Variants in TNKS observed in about 807,000 individuals in gnomAD.
The protein encoded by TNKS is poly [ADP-ribose] polymerase tankyrase-1.
In TNKS, 72 loss-of-function variants were observed where a neutral mutation model predicts 135.8. That is an observed-to-expected ratio of 0.53 (90% CI 0.44 to 0.64). The LOEUF (loss-of-function observed/expected upper bound fraction) is 0.64. Ranked by LOEUF, TNKS falls within the 30% of genes least tolerant of loss-of-function variation. The pLI, the probability that TNKS is intolerant of heterozygous loss-of-function variation, is 0.00. For missense variants in TNKS, 1,769 were observed against 1,674.0 expected, an observed-to-expected ratio of 1.06 and a Z score of -0.99; for synonymous variants, 849 against 649.3, an observed-to-expected ratio of 1.31 and a Z score of -4.68.
intron 5 of TNKS, among the ~76,000 whole-genome samples, chr8:9,682,017 T>C (rs1346473918): frequency 1.3e-5 from 2 of 152,158 alleles, no homozygotes; most frequent in African/African-American, 4.8e-5. Context: ...TACTCAGCAC[T>C]ATTAGTTACT....
chr8:9,646,192 C>T (rs946216278), intron 3 of TNKS, among the ~76,000 whole-genome samples: 1 of 152,036 alleles, frequency 6.6e-6, no homozygotes, highest in African/African-American at 2.4e-5. Context: ...TTCTCTTGCT[C>T]TTGAGATTTC....
Position 9,777,836 on chromosome 8 carries a change from G to A in TNKS, c.*1100G>A, listed in dbSNP as rs114345287. ...AAAATACCACTTGATTGTTTCTTTA[G>A]TTGAGAATGCTGGGATTCAGACTCG... On this transcript the variant is annotated 3_prime_UTR_variant, in exon 27 of 27. Coordinates refer to ENST00000310430, the MANE Select transcript of TNKS (RefSeq NM_003747.3). 168 of 152,468 alleles carry A rather than the reference G, an allele frequency of 1.1e-3. No individual in the cohort carries two copies. Among genetic ancestry groups the A allele is most frequent in the African/African-American group, 3.9e-3 (163 of 41,550 alleles). The allele number at this position is 152,468 out of a possible 1,614,324, so 9.4% of individuals were successfully genotyped here.
intron 1 of TNKS, among the ~76,000 whole-genome samples, chr8:9,560,581 C>T (rs373121078): frequency 7.8e-6 from 1 of 127,528 alleles, no homozygotes; most frequent in Non-Finnish European, 1.6e-5. Context: ...ACCATATACT[C>T]TAGATTGTTG....
intron 3 of TNKS, among the ~76,000 whole-genome samples, chr8:9,664,729 G>A (rs186973108): frequency 7.6e-4 from 116 of 152,202 alleles, no homozygotes; most frequent in African/African-American, 2.6e-3. Flanking sequence ...AATAAAAAAC[G>A]CATGCATGTG....
At chr8:9,645,999 T>C (rs1271157968) in intron 3 of TNKS, among the ~76,000 whole-genome samples, 1 of 152,156 alleles carries the variant, frequency 6.6e-6, no homozygotes, top group Non-Finnish European at 1.5e-5. Flanking sequence ...CCTTCTCAGT[T>C]CTTCAATTTC....
chr8:9,764,014 C>T lies in TNKS; in HGVS notation c.3373-702C>T, dbSNP rs1057269076. Among the ~76,000 whole-genome samples, 8 of 152,114 alleles carry T rather than the reference C, an allele frequency of 5.3e-5. No individual in the cohort carries two copies. In the East Asian group the frequency reaches 1.5e-3, roughly 29 times the overall value. ...CATACGTAGCGCATCAGGAAGGCAT[C>T]ATGGGGTCCGGTGTCTTACTACCTA... is the stretch of plus-strand genomic sequence containing the variant. On this transcript the variant is annotated intron_variant, in intron 22 of 26. Transcript: ENST00000310430.
intron 12 of TNKS, 119 bp downstream of exon 12, chr8:9,720,664 A>G (rs531866741): frequency 3.5e-5 from 42 of 1,212,270 alleles, no homozygotes; most frequent in Admixed American, 5.9e-5. Context: ...TTTTCTTGCA[A>G]TTTAGCCTGT....
At chr8:9,679,116 A>G (rs1236560925) in intron 3 of TNKS, among the ~76,000 whole-genome samples, 4 of 152,212 alleles carry the variant, frequency 2.6e-5, no homozygotes, top group African/African-American at 9.6e-5. Context: ...CATTTGATAT[A>G]TTTTTAAAAT....
rs777664862 is a variant in TNKS, at chr8:9,720,485, T to C, written c.1861T>C (p.Ser621Pro). Reference protein sequence around the residue: ...LSYGSDPSIISLQGFTAAQMG... With the variant: ...LSYGSDPSIIPLQGFTAAQMG... ...TTACGGCTCTGACCCCTCCATCATC[T>C]CCTTACAAGGCTTCACAGCAGCACA... Residue 621 changes from serine to proline, a missense_variant, in exon 12 of 27, where the codon TCC (serine) becomes CCC (proline). This residue lies in a region of TNKS where 523 missense variants were observed against 541.0 expected (regional missense o/e 0.97). Transcript: ENST00000310430. 6.2e-7 allele frequency: 1 copy of C among 1,614,080 alleles called. No individual in the cohort carries two copies. The highest frequency in any genetic ancestry group is 8.5e-7 in the Non-Finnish European group (1 of 1,180,006).
chr8:9,751,055 C>T (rs766596807), intron 18 of TNKS, among the ~76,000 whole-genome samples: 4 of 139,074 alleles, frequency 2.9e-5, no homozygotes, highest in African/African-American at 1.1e-4. Context: ...GGGCAAACCA[C>T]ATTCGGCGGG....
At chr8:9,609,775 GA>G (rs767383521) in intron 2 of TNKS, among the ~76,000 whole-genome samples, 3 of 152,194 alleles carry the variant, frequency 2.0e-5, no homozygotes, top group Non-Finnish European at 4.4e-5. Context: ...ACTGAAAACA[GA>G]AAATTGTGCC....
intron 1 of TNKS, among the ~76,000 whole-genome samples, chr8:9,562,235 T>A (rs1035873601): frequency 1.3e-5 from 2 of 152,196 alleles, no homozygotes; most frequent in African/African-American, 2.4e-5. Flanking sequence ...ATATTCTGCA[T>A]ACTAGTGCTT....
intron 2 of TNKS, among the ~76,000 whole-genome samples, chr8:9,588,719 A>T (rs1316879075): frequency 1.3e-5 from 2 of 152,172 alleles, no homozygotes; most frequent in Admixed American, 6.5e-5. Flanking sequence ...TGGGCAGATT[A>T]TAAGGTCTGT....
At chr8:9,709,405 C>T (rs565522608) in intron 9 of TNKS, among the ~76,000 whole-genome samples, 2 of 151,862 alleles carry the variant, frequency 1.3e-5, no homozygotes, top group Non-Finnish European at 2.9e-5. Flanking sequence ...AATTTTAATA[C>T]GAATATTAAA....
intron 3 of TNKS, among the ~76,000 whole-genome samples, chr8:9,651,117 G>T: frequency 6.6e-6 from 1 of 152,104 alleles, no homozygotes; most frequent in Non-Finnish European, 1.5e-5. Context: ...TTGAAGATCA[G>T]TTGGCTGTGA....
intron 2 of TNKS, among the ~76,000 whole-genome samples, chr8:9,590,989 CTA>C: frequency 6.6e-6 from 1 of 152,272 alleles, no homozygotes; most frequent in Non-Finnish European, 1.5e-5. Flanking sequence ...TTGTCGAACC[CTA>C]GATCATGATT....
chr8:9,578,213 A>G lies in TNKS; in HGVS notation c.674-1946A>G, dbSNP rs541857357. ...AAGTTTGCACTCAGGCTTTATTCAG[A>G]TCCGTAGAGAAGGAGAATAATTCAA... On this transcript the variant is annotated intron_variant, in intron 1 of 26. Coordinates refer to ENST00000310430, the MANE Select transcript of TNKS (RefSeq NM_003747.3). 2.6e-5 allele frequency among the ~76,000 whole-genome samples: 4 copies of G among 152,164 alleles called. No homozygotes were observed. The South Asian group carries it at 8.3e-4, about 32-fold the overall frequency.
intron 17 of TNKS, among the ~76,000 whole-genome samples, chr8:9,744,974 A>G (rs1806160373): frequency 6.6e-6 from 1 of 152,190 alleles, no homozygotes; most frequent in Non-Finnish European, 1.5e-5. Context: ...TTTTCCTTGG[A>G]CTTTTTGTAA....
intron 20 of TNKS, among the ~76,000 whole-genome samples, chr8:9,756,880 CA>C (rs1260013798): frequency 6.6e-6 from 1 of 152,152 alleles, no homozygotes; most frequent in African/African-American, 2.4e-5. Flanking sequence ...ATAATGCCAA[CA>C]GTCTCATCCT....
Sources: gnomAD v4.1 joint callset for allele counts (sites outside exome capture counted in the v4.1 genomes callset) on GRCh38, gnomAD v4.1.1 for gene constraint, gnomAD v4.1.1 regional missense constraint, MANE v1.5 for transcripts, NCBI Gene and HGNC (gene_info 2026-07-23, HGNC 2026-07-21) for gene names.